The following ABCG8 variants were observed in gnomAD, a reference collection of about 807,000 sequenced individuals.
The protein encoded by ABCG8 is ATP-binding cassette sub-family G member 8.
In ABCG8, 81 loss-of-function variants were observed where a neutral mutation model predicts 71.3. The observed-to-expected ratio is 1.14, with a 90% CI of 0.95 to 1.37. ABCG8 has a LOEUF of 1.37. Ranked by LOEUF, ABCG8 falls within the 40% of genes most tolerant of loss-of-function variation. ABCG8 has a pLI of 0.00. For missense variants in ABCG8, 1,119 were observed against 866.2 expected, an observed-to-expected ratio of 1.29 and a Z score of -3.66; for synonymous variants, 451 against 354.7, an observed-to-expected ratio of 1.27 and a Z score of -3.05.
chr2:43,877,496 G>A (rs557404574), intron 11 of ABCG8, 65 bp from the exon 12 acceptor site: 1 of 1,610,404 alleles, frequency 6.2e-7, no homozygotes, highest in Non-Finnish European at 8.5e-7. Context: ...GGGAGACCAT[G>A]CGAATATGGG....
At chr2:43,874,063 C>A in intron 9 of ABCG8, 77 bp downstream of exon 9, 2 of 1,390,492 alleles carry the variant, frequency 1.4e-6, no homozygotes, top group South Asian at 1.2e-5. Context: ...TCCTGGGGAG[C>A]GGGTTTGATT....
intron 6 of ABCG8, among the ~76,000 whole-genome samples, chr2:43,860,068 G>A (rs555363825): frequency 6.7e-6 from 1 of 149,622 alleles, no homozygotes; most frequent in Non-Finnish European, 1.5e-5. Context: ...TATCTGGATA[G>A]AATTCTCACC....
intron 6 of ABCG8, among the ~76,000 whole-genome samples, chr2:43,867,250 G>T (rs1299288731): frequency 1.3e-5 from 2 of 151,440 alleles, no homozygotes; most frequent in Admixed American, 6.6e-5. Flanking sequence ...AATGCTAGAT[G>T]ACGAGTTAGC....
chr2:43,876,062 C>A (rs1258071193), intron 11 of ABCG8, among the ~76,000 whole-genome samples: 1 of 152,178 alleles, frequency 6.6e-6, no homozygotes, highest in Non-Finnish European at 1.5e-5. Context: ...CTCCCCATAC[C>A]ATGCCACCTC....
chr2:43,844,014 G>A (rs998197639), intron 1 of ABCG8, among the ~76,000 whole-genome samples: 5 of 152,150 alleles, frequency 3.3e-5, no homozygotes, highest in Non-Finnish European at 7.3e-5. Flanking sequence ...GTATCTTCAT[G>A]AATATTGGGC....
At chr2:43,844,373 C>A (rs145528805) in intron 1 of ABCG8, 134 bp from the exon 2 acceptor site, 221 of 720,606 alleles carry the variant, frequency 3.1e-4, no homozygotes, top group Non-Finnish European at 4.8e-4. Flanking sequence ...CCTGTGCAAT[C>A]CCATCTGTTG....
In ABCG8 at chr2:43,875,175, C is replaced by A. The variant is rs2104949015; in HGVS notation, c.1518C>A (p.Ala506=). Residue 506 remains alanine, a synonymous_variant, in exon 11 of 13, where the codon GCC becomes GCA. Transcript: ENST00000272286. ...TCGGGGAGCTTCCGGAGCACTGTGC[C>A]TACATCATCATCTACGGGATGCCCA... ...KILGELPEHC[A]YIIIYGMPTY... is the part of the protein sequence containing the mutation. 1 of 1,614,236 alleles carries A rather than the reference C, an allele frequency of 6.2e-7. No homozygotes were observed. Among genetic ancestry groups the A allele is most frequent in the African/African-American group, 1.3e-5 (1 of 75,062 alleles).
rs969569759 is a variant in ABCG8, at chr2:43,877,885, T to G, written c.1994T>G (p.Ile665Ser). The change falls in exon 13 of 13, where the codon ATC becomes AGC. Residue 665 changes from isoleucine (I) to serine (S), a missense_variant. Ile to Ser is a moderately radical substitution (Grantham distance 142). Coordinates refer to ENST00000272286, the MANE Select transcript of ABCG8 (RefSeq NM_022437.3). The stretch of plus-strand genomic sequence containing the variant: ...CTGTACTACGTGTCCTTAAGGTTCA[T>G]CAAACAGAAACCAAGTCAAGACTGG... Reference protein sequence around the residue: ...MVLYYVSLRFIKQKPSQDW With the variant: ...MVLYYVSLRFSKQKPSQDW 2.5e-6 allele frequency: 4 copies of G among 1,613,966 alleles called. No individual in the cohort carries two copies. Among genetic ancestry groups the G allele is most frequent in the African/African-American group, 1.3e-5 (1 of 74,892 alleles).
At chr2:43,839,246 A>C in intron 1 of ABCG8, 130 bp downstream of exon 1, 1 of 1,030,526 alleles carries the variant, frequency 9.7e-7, no homozygotes, top group South Asian at 1.5e-5. Flanking sequence ...ACATGGCCGC[A>C]GGACTGTTTC....
chr2:43,853,013 G>C, intron 6 of ABCG8, 145 bp downstream of exon 6: 1 of 1,122,680 alleles, frequency 8.9e-7, no homozygotes, highest in Non-Finnish European at 1.3e-6. Flanking sequence ...AAGAACATGG[G>C]GTGGTTTGCC....
chr2:43,854,214 A>G (rs548185355), intron 6 of ABCG8, among the ~76,000 whole-genome samples: 5 of 152,184 alleles, frequency 3.3e-5, no homozygotes, highest in African/African-American at 7.2e-5. Flanking sequence ...CAAGAGCTAC[A>G]CGGGGCCTGG....
chr2:43,871,503 G>A (rs1322845331), intron 6 of ABCG8, among the ~76,000 whole-genome samples: 3 of 151,630 alleles, frequency 2.0e-5, no homozygotes, highest in African/African-American at 7.3e-5. Context: ...TGGATGGAAC[G>A]CTCACTATCT....
At chr2:43,855,243 A>G (rs998558048) in intron 6 of ABCG8, among the ~76,000 whole-genome samples, 2 of 152,022 alleles carry the variant, frequency 1.3e-5, no homozygotes, top group Non-Finnish European at 2.9e-5. Flanking sequence ...TCTAGATAGA[A>G]CTCTCACTAT....
intron 10 of ABCG8, 29 bp downstream of exon 10, chr2:43,874,512 C>CCT: frequency 6.4e-7 from 1 of 1,563,168 alleles, no homozygotes. Context: ...GAGCAAGTGC[C>CCT]CCCCACCCAC....
intron 1 of ABCG8, among the ~76,000 whole-genome samples, chr2:43,843,757 G>C (rs530762238): frequency 6.6e-6 from 1 of 152,162 alleles, no homozygotes; most frequent in East Asian, 1.9e-4. Context: ...TCTGCAGATG[G>C]TTAATACCAT....
intron 5 of ABCG8, 43 bp from the exon 6 acceptor site, chr2:43,852,556 C>A: frequency 6.2e-7 from 1 of 1,614,008 alleles, no homozygotes; most frequent in African/African-American, 1.3e-5. Flanking sequence ...TTGGTCTGGC[C>A]AGAGCCCCAC....
chr2:43,857,567 A>G (rs1366868832), intron 6 of ABCG8, among the ~76,000 whole-genome samples: 1 of 151,706 alleles, frequency 6.6e-6, no homozygotes. Context: ...CACTATCTGG[A>G]TAGAATTCTC....
intron 6 of ABCG8, among the ~76,000 whole-genome samples, chr2:43,866,859 G>T (rs1000923717): frequency 1.1e-4 from 16 of 151,342 alleles, no homozygotes; most frequent in African/African-American, 2.9e-4. Context: ...TATACCCAAA[G>T]GACTATAAAT....
Position 43,871,991 on chromosome 2 carries a change from T to A in ABCG8, c.980T>A (p.Ile327Asn). 1 of 1,614,002 alleles carries A rather than the reference T, an allele frequency of 6.2e-7. No homozygotes were observed. The highest frequency in any genetic ancestry group is 2.2e-5 in the East Asian group (1 of 44,872). The stretch of plus-strand genomic sequence containing the variant: ...CTGCTTGCAGTGGACCTGACCAGCA[T>A]TGACAGGCGCAGCAGAGAGCAGGAA... ...PADFYVDLTS[I>N]DRRSREQELA... Residue 327 changes from isoleucine (I) to asparagine (N), a missense_variant, in exon 7 of 13, where the codon ATT (isoleucine) becomes AAT (asparagine). Physicochemically the swap from Ile to Asn is moderately radical, Grantham distance 149. Transcript: ENST00000272286.
Sources: allele counts gnomAD v4.1 joint callset (sites outside exome capture counted in the v4.1 genomes callset), GRCh38; gene constraint gnomAD v4.1.1; transcripts MANE v1.5; gene names NCBI Gene and HGNC (gene_info 2026-07-23, HGNC 2026-07-21).